Variants in KMT5B observed in about 807,000 individuals in gnomAD.
The protein encoded by KMT5B is lysine methyltransferase 5B.
Under a neutral mutation model 83.2 loss-of-function variants are expected in KMT5B, and 10 were observed. The observed-to-expected ratio is 0.12, with a 90% CI of 0.07 to 0.20. The LOEUF is 0.20. KMT5B is among the 10% of genes least tolerant of loss of function. KMT5B has a pLI of 1.00. For synonymous variants in KMT5B, 349 were observed against 388.8 expected (o/e 0.90, Z 1.20); for missense variants, 753 against 1,067.2 (o/e 0.71, Z 4.10).
At chr11:68,173,967 CT>C in intron 5 of KMT5B, 54 bp from the exon 6 acceptor site, 1 of 1,231,460 alleles carries the variant, frequency 8.1e-7, no homozygotes, top group Non-Finnish European at 1.2e-6. Flanking sequence ...CCCTGCTAGA[CT>C]TTCTTACAAT....
intron 4 of KMT5B, chr11:68,179,391 G>C (rs1856699824): frequency 2.4e-6 from 3 of 1,225,278 alleles, no homozygotes; most frequent in East Asian, 5.8e-5. Flanking sequence ...GCTGGTATAA[G>C]AAAAATAAAA....
intron 10 of KMT5B, chr11:68,166,020 A>T (rs1018299568): frequency 2.5e-6 from 4 of 1,611,320 alleles, no homozygotes; most frequent in Admixed American, 1.7e-5. Flanking sequence ...TAAAATAATC[A>T]GTATCTCAGA....
rs1426082581 is a variant in KMT5B, at chr11:68,190,000, T to C, written c.77A>G (p.Gln26Arg). ...GTGCTGTAATTTTGATTGATTCTGCTGATGGTCATTAGACAACTTGCCTCC... is the reference window on the plus strand; with the variant it reads ...GTGCTGTAATTTTGATTGATTCTGCCGATGGTCATTAGACAACTTGCCTCC... Reference protein sequence around the residue: ...RNGGKLSNDHQQNQSKLQHTG... With the variant: ...RNGGKLSNDHRQNQSKLQHTG... Residue 26 changes from glutamine to arginine, a missense_variant, in exon 2 of 11, where the codon CAG becomes CGG. Physicochemically the swap from Gln to Arg is conservative, Grantham distance 43 (BLOSUM62 1). Around this residue, in one of 9 missense-constraint regions of KMT5B, gnomAD observed 56 missense variants for 91.4 expected, o/e 0.61. Coordinates refer to ENST00000304363, the MANE Select transcript of KMT5B (RefSeq NM_017635.5). The C allele has an allele frequency of 6.2e-7, 1 of 1,614,088 alleles. No individual in the cohort carries two copies. Among genetic ancestry groups the C allele is most frequent in the Non-Finnish European group, 8.5e-7 (1 of 1,180,030 alleles).
chr11:68,206,585 G>A (rs985400462), intron 1 of KMT5B, among the ~76,000 whole-genome samples: 3 of 152,092 alleles, frequency 2.0e-5, no homozygotes, highest in Non-Finnish European at 2.9e-5. Flanking sequence ...GTGAGCAGAC[G>A]AGTTATTTAA....
rs1285253818 is a variant in KMT5B, at chr11:68,189,920, T to C, written c.157A>G (p.Arg53Gly). The stretch of plus-strand genomic sequence containing the variant: ...GAAGGTTTAAGTGTGTACATACATC[T>C]GTTCGACCTCCTCTCGACTGCATTT... Reference protein sequence around the residue: ...GKNAVERRSNRCNGNSGFEGQ... With the variant: ...GKNAVERRSNGCNGNSGFEGQ... Residue 53 changes from arginine to glycine, a missense_variant, in exon 2 of 11, where the codon AGA becomes GGA. By Grantham distance (125) the Arg-to-Gly change is moderately radical. Around this residue, in one of 9 missense-constraint regions of KMT5B, gnomAD observed 56 missense variants for 91.4 expected, o/e 0.61. Transcript: ENST00000304363. The C allele has an allele frequency of 1.2e-6, 2 of 1,614,074 alleles. No homozygotes were observed. The highest frequency in any genetic ancestry group is 1.7e-6 in the Non-Finnish European group (2 of 1,179,970).
intron 5 of KMT5B, chr11:68,174,332 G>C: frequency 3.0e-6 from 1 of 332,132 alleles, no homozygotes. Context: ...ACAGTAACTA[G>C]CTGAACACCT....
At chr11:68,203,016 C>A (rs1859646055) in intron 1 of KMT5B, among the ~76,000 whole-genome samples, 1 of 152,094 alleles carries the variant, frequency 6.6e-6, no homozygotes, top group South Asian at 2.1e-4. Context: ...TGCTCTGTCA[C>A]CCAGGCTGTA....
intron 9 of KMT5B, among the ~76,000 whole-genome samples, chr11:68,168,616 G>C (rs187497538): frequency 6.6e-6 from 1 of 152,224 alleles, no homozygotes; most frequent in Non-Finnish European, 1.5e-5. Context: ...GATTATAGGC[G>C]TGAGTCACAC....
At chr11:68,199,853 T>C (rs983088131) in intron 1 of KMT5B, among the ~76,000 whole-genome samples, 9 of 152,124 alleles carry the variant, frequency 5.9e-5, no homozygotes, top group African/African-American at 2.2e-4. Flanking sequence ...TGCTGACAGA[T>C]TGAATGCAGG....
chr11:68,204,245 G>A (rs1252548282), intron 1 of KMT5B, among the ~76,000 whole-genome samples: 1 of 152,116 alleles, frequency 6.6e-6, no homozygotes, highest in Admixed American at 6.6e-5. Context: ...GGTGGAAAAC[G>A]GCCCCCAAAG....
chr11:68,195,893 AT>A (rs1179963934), intron 1 of KMT5B, among the ~76,000 whole-genome samples: 2 of 152,226 alleles, frequency 1.3e-5, no homozygotes, highest in Non-Finnish European at 2.9e-5. Context: ...GTGGTGGCTC[AT>A]GCCTGTAATC....
chr11:68,174,220 C>A, intron 5 of KMT5B: 1 of 441,978 alleles, frequency 2.3e-6, no homozygotes, highest in Non-Finnish European at 4.4e-6. Flanking sequence ...TCTAAAAAAA[C>A]AATAAAATAA....
At chr11:68,159,810 G>A (rs1395809029) in intron 10 of KMT5B, among the ~76,000 whole-genome samples, 1 of 152,234 alleles carries the variant, frequency 6.6e-6, no homozygotes, top group Non-Finnish European at 1.5e-5. Flanking sequence ...GAACAGAAGA[G>A]GCAACCAGTG....
intron 1 of KMT5B, among the ~76,000 whole-genome samples, chr11:68,198,243 G>A (rs1485047382): frequency 6.6e-6 from 1 of 152,120 alleles, no homozygotes; most frequent in Non-Finnish European, 1.5e-5. Context: ...AATTAGCCAG[G>A]CGTGGTGTCA....
intron 10 of KMT5B, chr11:68,164,606 C>T (rs1855147072): frequency 2.0e-6 from 1 of 499,482 alleles, no homozygotes; most frequent in African/African-American, 1.9e-5. Context: ...AGAGAGAGCA[C>T]TGAGCCATGC....
intron 10 of KMT5B, chr11:68,165,832 C>A: frequency 6.2e-7 from 1 of 1,611,472 alleles, no homozygotes. Context: ...TACAGCGCTG[C>A]TTTTATGCTA....
intron 1 of KMT5B, among the ~76,000 whole-genome samples, chr11:68,212,424 TAA>T (rs1315373600): frequency 3.3e-5 from 5 of 152,244 alleles, no homozygotes; most frequent in East Asian, 1.9e-4. Context: ...AATAAATCGT[TAA>T]GTTACTGTTC....
intron 10 of KMT5B, chr11:68,166,369 G>T: frequency 9.8e-7 from 1 of 1,024,260 alleles, no homozygotes; most frequent in Middle Eastern, 4.8e-4. Context: ...CTCAGAGGTT[G>T]CTTCTTTCTC....
intron 1 of KMT5B, among the ~76,000 whole-genome samples, chr11:68,207,422 A>G (rs1361371088): frequency 6.6e-6 from 1 of 152,140 alleles, no homozygotes; most frequent in African/African-American, 2.4e-5. Flanking sequence ...TACAAATGAG[A>G]ACAAAACTCA....
Sources: allele counts gnomAD v4.1 joint callset (sites outside exome capture counted in the v4.1 genomes callset), GRCh38; gene constraint gnomAD v4.1.1; regional missense constraint gnomAD v4.1.1; transcripts MANE v1.5; gene names NCBI Gene and HGNC (gene_info 2026-07-23, HGNC 2026-07-21).